Variants in TLN2 observed in about 807,000 individuals in gnomAD.
TLN2 encodes the protein talin-2.
TLN2 carries 118 observed loss-of-function variants against 294.7 expected under a neutral mutation model. The ratio of observed to expected loss-of-function variants is 0.40; its 90% CI spans 0.34 to 0.47. TLN2 has a LOEUF of 0.47. Ranked by LOEUF, TLN2 falls within the 20% of genes least tolerant of loss-of-function variation. The pLI, the probability that TLN2 is intolerant of heterozygous loss-of-function variation, is 0.84. For missense variants in TLN2, 3,083 were observed against 3,282.2 expected (o/e 0.94, Z 1.48); for synonymous variants, 1,431 against 1,304.5 (o/e 1.10, Z -2.09).
chr15:62,669,595 C>T (rs2055148834), intron 9 of TLN2, among the ~76,000 whole-genome samples: 1 of 152,306 alleles, frequency 6.6e-6, no homozygotes, highest in East Asian at 1.9e-4. Flanking sequence ...AGGGATTTTG[C>T]TTGACCAGAA....
At chr15:62,729,811 G>C (rs2060621444) in intron 28 of TLN2, among the ~76,000 whole-genome samples, 1 of 151,980 alleles carries the variant, frequency 6.6e-6, no homozygotes, top group Admixed American at 6.6e-5. Flanking sequence ...CCTGCCTATG[G>C]TAAGTTCCTT....
At chr15:62,653,409 G>C in intron 7 of TLN2, 95 bp downstream of exon 7, 2 of 1,389,492 alleles carry the variant, frequency 1.4e-6, no homozygotes, top group South Asian at 1.8e-5. Flanking sequence ...CAGGACTTTT[G>C]ATTTTTGTTT....
Position 62,820,485 on chromosome 15 carries a change from G to C in TLN2, c.6878-1G>C. ...ATCACCTTCTTTTGGACTGATTCTAGGAACAGAGTGGGTGGATCCAGAAGA... is the reference window on the plus strand; with the variant it reads ...ATCACCTTCTTTTGGACTGATTCTACGAACAGAGTGGGTGGATCCAGAAGA... On this transcript the variant is annotated splice_acceptor_variant, in intron 53 of 58. Transcript: ENST00000636159. LOFTEE classifies it high-confidence loss of function. 2 of 1,613,824 alleles carry C rather than the reference G, an allele frequency of 1.2e-6. No homozygotes were observed. The highest frequency in any genetic ancestry group is 1.7e-6 in the Non-Finnish European group (2 of 1,179,846).
chr15:62,459,038 G>T (rs994510207), intron 1 of TLN2, among the ~76,000 whole-genome samples: 17 of 151,650 alleles, frequency 1.1e-4, no homozygotes, highest in Non-Finnish European at 1.9e-4. Flanking sequence ...GTCTCACTCT[G>T]TCGCCAGGCT....
At chr15:62,678,810 G>A (rs977385414) in intron 11 of TLN2, among the ~76,000 whole-genome samples, 1 of 152,154 alleles carries the variant, frequency 6.6e-6, no homozygotes, top group South Asian at 2.1e-4. Flanking sequence ...CCACCTGGGC[G>A]ATAGAGCAAG....
intron 37 of TLN2, among the ~76,000 whole-genome samples, chr15:62,760,984 C>G (rs573757251): frequency 4.6e-5 from 7 of 152,122 alleles, no homozygotes; most frequent in Non-Finnish European, 8.8e-5. Flanking sequence ...CTTCTAACAC[C>G]CTAGATTAGG....
At chr15:62,721,184 T>C (rs980395910) in intron 25 of TLN2, among the ~76,000 whole-genome samples, 1 of 152,306 alleles carries the variant, frequency 6.6e-6, no homozygotes, top group African/African-American at 2.4e-5. Context: ...TAAATAGAAA[T>C]TGAATTGACA....
intron 30 of TLN2, among the ~76,000 whole-genome samples, chr15:62,739,007 A>AATAGGGTAGAGTTTTAGAGAATGG (rs1430975550): frequency 6.6e-6 from 1 of 152,136 alleles, no homozygotes; most frequent in Non-Finnish European, 1.5e-5. Flanking sequence ...ACAGAGACAA[A>AATAGGGTAGAGTTTTAGAGAATGG]ATAGGGTAGA....
At chr15:62,701,360 A>G in intron 17 of TLN2, 146 bp downstream of exon 17, 1 of 692,456 alleles carries the variant, frequency 1.4e-6, no homozygotes, top group Non-Finnish European at 2.4e-6. Flanking sequence ...TTAGTGCTGT[A>G]GGCATTTTCT....
chr15:62,416,739 A>C (rs74610063), intron 1 of TLN2, among the ~76,000 whole-genome samples: 8,163 of 152,112 alleles, frequency 0.054, 320 homozygotes, highest in Non-Finnish European at 0.074. Context: ...TGCCCAGAGG[A>C]GGGTGGCTTG....
intron 32 of TLN2, among the ~76,000 whole-genome samples, chr15:62,741,154 A>G (rs532730663): frequency 5.3e-5 from 8 of 152,368 alleles, no homozygotes; most frequent in African/African-American, 1.9e-4. Context: ...GATGAAAAGC[A>G]GTGCTCATCA....
intron 1 of TLN2, among the ~76,000 whole-genome samples, chr15:62,410,833 G>A (rs906704439): frequency 4.6e-5 from 7 of 152,222 alleles, no homozygotes; most frequent in African/African-American, 9.6e-5. Flanking sequence ...ATAAGGTAGC[G>A]TAAGTGGGAG....
rs766710014 is a variant in TLN2, at chr15:62,717,643, C to A, written c.2831C>A (p.Ser944Tyr). 1 of 1,605,112 alleles carries A rather than the reference C, an allele frequency of 6.2e-7. No individual in the cohort carries two copies. Among genetic ancestry groups the A allele is most frequent in the Non-Finnish European group, 8.5e-7 (1 of 1,176,368 alleles). Residue 944 changes from serine (S) to tyrosine (Y), a missense_variant, in exon 24 of 59, where the codon TCC becomes TAC. Physicochemically the swap from Ser to Tyr is moderately radical, Grantham distance 144. Transcript: ENST00000636159. ...TIAASQNAAV[S>Y]NKNPAAQQQL... is the part of the protein sequence containing the mutation. ...GCCGCCTCCCAGAATGCAGCTGTTTCCAACAAGAACCCTGCGGCCCAGCAG... is the reference window on the plus strand; with the variant it reads ...GCCGCCTCCCAGAATGCAGCTGTTTACAACAAGAACCCTGCGGCCCAGCAG...
intron 1 of TLN2, among the ~76,000 whole-genome samples, chr15:62,532,303 C>T (rs1357152081): frequency 6.6e-6 from 1 of 152,036 alleles, no homozygotes; most frequent in Non-Finnish European, 1.5e-5. Flanking sequence ...TGCTATGTTG[C>T]CCAGGCTAGT....
chr15:62,422,829 C>G (rs1311339822), intron 1 of TLN2, among the ~76,000 whole-genome samples: 1 of 152,208 alleles, frequency 6.6e-6, no homozygotes, highest in Non-Finnish European at 1.5e-5. Context: ...TGCTCAGAAA[C>G]ACTTGTGGAA....
At chr15:62,529,104 T>TGTGTG (rs1555423737) in intron 1 of TLN2, among the ~76,000 whole-genome samples, 9 of 151,478 alleles carry the variant, frequency 5.9e-5, no homozygotes, top group African/African-American at 2.2e-4. Context: ...CTTTTTTTTT[T>TGTGTG]TGTGTGTGTG....
chr15:62,555,961 A>G (rs1317525041), intron 1 of TLN2, among the ~76,000 whole-genome samples: 2 of 143,926 alleles, frequency 1.4e-5, no homozygotes, highest in Admixed American at 1.4e-4. Context: ...TGGTCATCCT[A>G]AAGGTTTTTC....
intron 1 of TLN2, among the ~76,000 whole-genome samples, chr15:62,513,877 T>G (rs1177128556): frequency 1.3e-5 from 2 of 152,234 alleles, no homozygotes; most frequent in Non-Finnish European, 2.9e-5. Flanking sequence ...CCTGTAGCCT[T>G]GTGTGTTGGA....
intron 37 of TLN2, among the ~76,000 whole-genome samples, 160 bp downstream of exon 37, chr15:62,755,853 G>A (rs1052963394): frequency 6.6e-6 from 1 of 152,164 alleles, no homozygotes; most frequent in African/African-American, 2.4e-5. Flanking sequence ...CCTTACTAAT[G>A]GAGATACTCT....
Sources: gnomAD v4.1 joint callset for allele counts (sites outside exome capture counted in the v4.1 genomes callset) on GRCh38, gnomAD v4.1.1 for gene constraint, MANE v1.5 for transcripts, NCBI Gene and HGNC (gene_info 2026-07-23, HGNC 2026-07-21) for gene names.